Variants in STAP1 observed in about 807,000 individuals in gnomAD.
STAP1 encodes the protein signal-transducing adaptor protein 1.
In STAP1, 30 loss-of-function variants were observed where a neutral mutation model predicts 37.8. The observed-to-expected ratio is 0.79, with a 90% CI of 0.59 to 1.08. STAP1 has a LOEUF of 1.08. Among genes scored for constraint, STAP1 ranks in the 50% least tolerant of loss-of-function variants. STAP1 has a pLI of 0.00. For synonymous variants in STAP1, 130 were observed against 116.0 expected (o/e 1.12, Z -0.78); for missense variants, 357 against 349.4 (o/e 1.02, Z -0.17).
chr4:67,577,358 A>G (rs752358450), intron 4 of STAP1, 99 bp downstream of exon 4: 46 of 1,024,990 alleles, frequency 4.5e-5, no homozygotes, highest in Admixed American at 2.7e-4. Flanking sequence ...CTGAAGATAT[A>G]GCAATTGAAA....
At chr4:67,572,280 G>C (rs114635281) in intron 2 of STAP1, among the ~76,000 whole-genome samples, 42 of 152,348 alleles carry the variant, frequency 2.8e-4, no homozygotes, top group African/African-American at 9.9e-4. Context: ...ATGCAAAGCA[G>C]TGAACAGGGT....
intron 8 of STAP1, among the ~76,000 whole-genome samples, chr4:67,600,723 C>A (rs1000577378): frequency 6.6e-6 from 1 of 151,992 alleles, no homozygotes; most frequent in African/African-American, 2.4e-5. Context: ...GCTGAATTGA[C>A]CCTTTCATCA....
At chr4:67,570,961 A>T in intron 1 of STAP1, 123 bp from the exon 2 acceptor site, 1 of 800,522 alleles carries the variant, frequency 1.2e-6, no homozygotes, top group Non-Finnish European at 2.1e-6. Context: ...AATTAGAATT[A>T]TCCAGGATAA....
chr4:67,607,183 A>G lies in STAP1; in HGVS notation c.*826A>G, dbSNP rs1170588461. On this transcript the variant is annotated 3_prime_UTR_variant, in exon 9 of 9. Transcript: ENST00000265404. The stretch of plus-strand genomic sequence containing the variant: ...AACTAAGAATGAAAAGATATGGTCT[A>G]TATTCTACAGGGGAAAGACTATGTG... 6.6e-6 allele frequency: 1 copy of G among 152,238 alleles called. No homozygotes were observed. The highest frequency in any genetic ancestry group is 1.5e-5 in the Non-Finnish European group (1 of 68,050). The allele number at this position is 152,238 out of a possible 1,614,324, so 9.4% of individuals were successfully genotyped here.
At chr4:67,562,197 A>T (rs1191395371) in intron 1 of STAP1, among the ~76,000 whole-genome samples, 2 of 150,910 alleles carry the variant, frequency 1.3e-5, no homozygotes, top group African/African-American at 4.9e-5. Context: ...TAAAAAAAAA[A>T]AACAGTGTGT....
At chr4:67,590,397 G>A (rs1008827632) in intron 6 of STAP1, among the ~76,000 whole-genome samples, 3 of 152,160 alleles carry the variant, frequency 2.0e-5, no homozygotes, top group Non-Finnish European at 2.9e-5. Flanking sequence ...GGTGGTATAT[G>A]AGCTAATATG....
chr4:67,606,205 C>T lies in STAP1; in HGVS notation c.827-91C>T, dbSNP rs913501614. ...AAACACACCAGCAATGTTCCACACA[C>T]GAGCAGGAAAATCAACTCACTGAAA... is the stretch of plus-strand genomic sequence containing the variant. On this transcript the variant is annotated intron_variant, in intron 8 of 8. Transcript: ENST00000265404. 15 of 1,003,096 alleles carry T rather than the reference C, an allele frequency of 1.5e-5. No homozygotes were observed. The East Asian group carries it at 2.3e-4, about 15-fold the overall frequency. The allele number at this position is 1,003,096 out of a possible 1,614,324, so 62.1% of individuals were successfully genotyped here.
intron 1 of STAP1, among the ~76,000 whole-genome samples, chr4:67,566,843 G>A (rs1727481594): frequency 6.6e-6 from 1 of 152,100 alleles, no homozygotes; most frequent in Admixed American, 6.6e-5. Flanking sequence ...GATGGAACAT[G>A]CCTGTAGTCC....
chr4:67,594,869 G>A (rs939588367), intron 8 of STAP1, among the ~76,000 whole-genome samples: 1 of 152,108 alleles, frequency 6.6e-6, no homozygotes, highest in Admixed American at 6.6e-5. Context: ...TAAATCTTTT[G>A]CCCATATTTT....
intron 1 of STAP1, among the ~76,000 whole-genome samples, chr4:67,566,119 C>G (rs1299657955): frequency 1.3e-5 from 2 of 151,432 alleles, no homozygotes; most frequent in African/African-American, 4.9e-5. Flanking sequence ...GGCTAATTTT[C>G]ATATTTTTAG....
chr4:67,566,140 G>T (rs111315635), intron 1 of STAP1, among the ~76,000 whole-genome samples: 112 of 151,786 alleles, frequency 7.4e-4, no homozygotes, highest in African/African-American at 2.5e-3. Context: ...TAGATACAGG[G>T]TTTCACCACG....
chr4:67,586,463 A>AAAAC (rs749375501), intron 6 of STAP1, among the ~76,000 whole-genome samples: 1 of 152,216 alleles, frequency 6.6e-6, no homozygotes, highest in Non-Finnish European at 1.5e-5. Context: ...TCTCAAAAAC[A>AAAAC]AAACAAACAA....
intron 8 of STAP1, among the ~76,000 whole-genome samples, chr4:67,603,455 A>G (rs976414626): frequency 3.9e-4 from 59 of 151,930 alleles, no homozygotes; most frequent in African/African-American, 1.4e-3. Context: ...GTCTCTCCCT[A>G]TGGCCACCAC....
rs1728455026 is a variant in STAP1 at position 67,606,626 on chromosome 4, G to A, written c.*269G>A. 2 of 275,304 alleles carry A rather than the reference G, an allele frequency of 7.3e-6. No homozygotes were observed. The highest frequency in any genetic ancestry group is 1.3e-5 in the Non-Finnish European group (2 of 148,652). The allele number at this position is 275,304 out of a possible 1,614,324, so 17.1% of individuals were successfully genotyped here. The stretch of plus-strand genomic sequence containing the variant: ...CACTGACATAAGTTGAAAACACATA[G>A]TACTTTCTAGATGGAATTTTTTTCT... On this transcript the variant is annotated 3_prime_UTR_variant, in exon 9 of 9. Transcript: ENST00000265404.
intron 2 of STAP1, among the ~76,000 whole-genome samples, chr4:67,572,973 A>G (rs2109859318): frequency 6.6e-6 from 1 of 152,358 alleles, no homozygotes; most frequent in African/African-American, 2.4e-5. Flanking sequence ...AATGTCTCAG[A>G]ATTGCCCATC....
At chr4:67,581,505 G>T (rs769199965) in intron 5 of STAP1, 34 bp downstream of exon 5, 17 of 1,568,426 alleles carry the variant, frequency 1.1e-5, no homozygotes, top group Non-Finnish European at 1.3e-5. Context: ...TTATTCATTC[G>T]ATTGTTAAAA....
chr4:67,574,591 C>A (rs892973250), intron 2 of STAP1, among the ~76,000 whole-genome samples: 4 of 152,080 alleles, frequency 2.6e-5, no homozygotes, highest in Non-Finnish European at 5.9e-5. Context: ...ATCTCATCTG[C>A]ATATTAACAT....
At chr4:67,584,116 A>T (rs67243533) in intron 6 of STAP1, among the ~76,000 whole-genome samples, 41,413 of 133,866 alleles carry the variant, frequency 0.31, 7,270 homozygotes, top group South Asian at 0.42. Flanking sequence ...AAAAAAAAAA[A>T]GAACACAAGA....
Position 67,607,308 on chromosome 4 carries a change from C to T in STAP1, c.*951C>T, listed in dbSNP as rs1253638190. On this transcript the variant is annotated 3_prime_UTR_variant, in exon 9 of 9. Transcript: ENST00000265404. ...AAACCTTGAAAATCCGGCTTCTTGA[C>T]TTGTGAGAAAATAAATTTGTGTTCC... 2.6e-5 allele frequency: 4 copies of T among 152,100 alleles called. No individual in the cohort carries two copies. The highest frequency in any genetic ancestry group is 4.8e-5 in the African/African-American group (2 of 41,410). 9.4% of individuals were successfully genotyped at this position (152,100 alleles called of 1,614,324 possible).
Sources: allele counts gnomAD v4.1 joint callset (sites outside exome capture counted in the v4.1 genomes callset), GRCh38; gene constraint gnomAD v4.1.1; transcripts MANE v1.5; gene names NCBI Gene and HGNC (gene_info 2026-07-23, HGNC 2026-07-21).